The following COL4A4 variants were observed in gnomAD, a reference collection of about 807,000 sequenced individuals.
The protein encoded by COL4A4 is collagen alpha-4(IV) chain.
COL4A4 carries 105 observed loss-of-function variants against 192.9 expected under a neutral mutation model. The observed-to-expected ratio is 0.54, with a 90% CI of 0.46 to 0.64. COL4A4 has a LOEUF of 0.64. Ranked by LOEUF, COL4A4 falls within the 30% of genes least tolerant of loss-of-function variation. COL4A4 has a pLI of 0.00. For synonymous variants in COL4A4, 762 were observed against 769.9 expected, an observed-to-expected ratio of 0.99 and a Z score of 0.17; for missense variants, 1,967 against 2,169.3, an observed-to-expected ratio of 0.91 and a Z score of 1.85.
At chr2:227,072,816 T>C (rs1195068217) in intron 25 of COL4A4, among the ~76,000 whole-genome samples, 1 of 151,944 alleles carries the variant, frequency 6.6e-6, no homozygotes, top group East Asian at 1.9e-4. Flanking sequence ...GATCAATAGA[T>C]GCAGAAAAAG....
the COL4A4 span, chr2:226,995,516 C>T: frequency 7.7e-4 from 1,243 of 1,607,034 alleles, 3 homozygotes; most frequent in African/African-American, 0.015. Context: ...GATTCGATAG[C>T]CAGTGAGGTG....
At chr2:227,138,057 A>T (rs2062935608) in intron 4 of COL4A4, among the ~76,000 whole-genome samples, 1 of 152,020 alleles carries the variant, frequency 6.6e-6, no homozygotes, top group African/African-American at 2.4e-5. Flanking sequence ...GGACTTTGGG[A>T]AGCCAAGGAG....
rs1409892826 is a variant in COL4A4 at position 227,102,822 on chromosome 2, T to C, written c.897A>G (p.Gly299=). Residue 299 remains glycine (G), a synonymous_variant, in exon 15 of 48, where the codon GGA becomes GGG. Transcript: ENST00000396625. The part of the protein sequence containing the change: ...RKGESGIGAK[G]EKGIPGFPGP... ...CTGGAAATCCAGGAATACCTTTTTC[T>C]CCTTTTGCCCCAATACCAGATTCTC... 6.2e-7 allele frequency: 1 copy of C among 1,613,396 alleles called. No individual in the cohort carries two copies. The highest frequency in any genetic ancestry group is 2.2e-5 in the East Asian group (1 of 44,856).
intron 4 of COL4A4, among the ~76,000 whole-genome samples, chr2:227,134,498 A>G (rs183471132): frequency 6.6e-6 from 1 of 152,336 alleles, no homozygotes; most frequent in East Asian, 1.9e-4. Flanking sequence ...ATTGTTCTGA[A>G]CCATGTATCA....
At chr2:227,130,243 TCA>T (rs988189000) in intron 4 of COL4A4, among the ~76,000 whole-genome samples, 4 of 152,348 alleles carry the variant, frequency 2.6e-5, no homozygotes, top group African/African-American at 9.6e-5. Context: ...TTCGAGATTT[TCA>T]CTGTGTTCTT....
chr2:227,000,044 C>G (rs1414064221), downstream of COL4A4, among the ~76,000 whole-genome samples: 3 of 152,202 alleles, frequency 2.0e-5, no homozygotes, highest in Non-Finnish European at 4.4e-5. Context: ...CAAGTTATTG[C>G]CTGCCTCTGA....
intron 24 of COL4A4, among the ~76,000 whole-genome samples, chr2:227,079,912 C>T (rs548444090): frequency 4.6e-5 from 7 of 152,254 alleles, no homozygotes; most frequent in South Asian, 4.1e-4. Flanking sequence ...TTACCATTAC[C>T]TACACATGGT....
chr2:227,114,457 A>T, intron 8 of COL4A4, 171 bp downstream of exon 8: 1 of 713,506 alleles, frequency 1.4e-6, no homozygotes. Flanking sequence ...CTGGCGACTA[A>T]AGCCACTGCC....
At chr2:227,066,832 C>T (rs1480355620) in intron 25 of COL4A4, among the ~76,000 whole-genome samples, 2 of 151,672 alleles carry the variant, frequency 1.3e-5, no homozygotes, top group Admixed American at 6.6e-5. Flanking sequence ...AACCAGCTAA[C>T]ATCATCATGA....
chr2:227,034,460 G>A (rs945682283), intron 37 of COL4A4, among the ~76,000 whole-genome samples: 1 of 151,836 alleles, frequency 6.6e-6, no homozygotes, highest in African/African-American at 2.4e-5. Flanking sequence ...ATGGCTACGA[G>A]CACTGAAGCT....
rs145806603 is a variant in COL4A4 at position 227,078,048 on chromosome 2, A to G, written c.1833T>C (p.Gly611=). ...GGCCCAGAGGTCCAGGAAATCCTTT[A>G]CCACCTGGGGTCGCATCTTCATGAT... The part of the protein sequence containing the change: ...PGDHEDATPG[G]KGFPGPLGPP... The change falls in exon 25 of 48, where the codon GGT becomes GGC. Residue 611 remains glycine (G), a synonymous_variant. Transcript: ENST00000396625. The G allele has an allele frequency of 4.5e-3, 7,270 of 1,613,846 alleles. 57 individuals are homozygous for G. The highest frequency in any genetic ancestry group is 6.4e-3 in the Admixed American group (386 of 59,986).
intron 1 of COL4A4, among the ~76,000 whole-genome samples, chr2:227,156,403 A>C (rs971487837): frequency 3.3e-5 from 5 of 151,768 alleles, no homozygotes; most frequent in Non-Finnish European, 7.4e-5. Flanking sequence ...TCTAAAAAAA[A>C]AAAAAAAGTG....
intron 28 of COL4A4, among the ~76,000 whole-genome samples, chr2:227,058,897 T>C (rs1346298714): frequency 6.0e-5 from 7 of 117,364 alleles, no homozygotes; most frequent in Non-Finnish European, 1.7e-5. Context: ...CATCTTCCTC[T>C]CTTGCGTTTG....
chr2:227,104,558 G>A (rs1181484783), intron 12 of COL4A4, among the ~76,000 whole-genome samples: 2 of 144,142 alleles, frequency 1.4e-5, no homozygotes, highest in East Asian at 4.1e-4. Context: ...CTCCAGCCTG[G>A]GCGACAGAGC....
chr2:227,047,584 G>T (rs1469158252), intron 34 of COL4A4, 35 bp from the exon 35 acceptor site: 2 of 1,484,028 alleles, frequency 1.3e-6, no homozygotes, highest in Non-Finnish European at 1.9e-6. Context: ...CATTACTTTA[G>T]ACAATTTAAT....
At chr2:226,976,719 G>A in the COL4A4 span, among the ~76,000 whole-genome samples, 10 of 152,198 alleles carry the variant, frequency 6.6e-5, no homozygotes, top group African/African-American at 2.2e-4. Context: ...CGGGGCCTGG[G>A]TGTGGCTTCT....
chr2:226,968,732 G>T, the COL4A4 span, among the ~76,000 whole-genome samples: 1 of 152,284 alleles, frequency 6.6e-6, no homozygotes, highest in South Asian at 2.1e-4. Context: ...TTCTAGAGGG[G>T]GTGACTATTA....
intron 3 of COL4A4, 71 bp from the exon 4 acceptor site, chr2:227,140,309 T>C: frequency 1.6e-6 from 2 of 1,260,278 alleles, no homozygotes; most frequent in East Asian, 2.3e-5. Flanking sequence ...ACATACATTA[T>C]AACAAGCACT....
intron 45 of COL4A4, among the ~76,000 whole-genome samples, chr2:227,011,348 C>T (rs529017489): frequency 2.6e-4 from 40 of 152,238 alleles, no homozygotes; most frequent in African/African-American, 9.4e-4. Context: ...CAGGCCTGCT[C>T]GTGTGTTTTG....
Sources: allele counts gnomAD v4.1 joint callset (sites outside exome capture counted in the v4.1 genomes callset), GRCh38; gene constraint gnomAD v4.1.1; transcripts MANE v1.5; gene names NCBI Gene and HGNC (gene_info 2026-07-23, HGNC 2026-07-21).